Variants in MTUS1 observed in about 807,000 individuals in gnomAD.
The protein encoded by MTUS1 is microtubule-associated tumor suppressor 1.
In MTUS1, 109 loss-of-function variants were observed where a neutral mutation model predicts 120.8. The observed-to-expected ratio is 0.90, with a 90% confidence interval of 0.77 to 1.06. The LOEUF (loss-of-function observed/expected upper bound fraction) is 1.06, where lower values mean the gene tolerates loss of function less well. Ranked by LOEUF, MTUS1 falls within the 50% of genes least tolerant of loss-of-function variation. MTUS1 has a pLI of 0.00. For synonymous variants in MTUS1, 737 were observed against 550.5 expected (o/e 1.34, Z -4.74); for missense variants, 2,210 against 1,486.3 (o/e 1.49, Z -8.01).
intron 8 of MTUS1, among the ~76,000 whole-genome samples, chr8:17,658,163 C>T (rs1318903136): frequency 1.3e-5 from 2 of 151,950 alleles, no homozygotes; most frequent in Non-Finnish European, 2.9e-5. Context: ...TCAGCCTCCT[C>T]AGTAGCTGGG....
At chr8:17,697,239 G>C in intron 6 of MTUS1, 1 of 1,601,326 alleles carries the variant, frequency 6.2e-7, no homozygotes, top group African/African-American at 1.3e-5. Flanking sequence ...ACTAAACAGA[G>C]ATCTATGCGA....
intron 3 of MTUS1, among the ~76,000 whole-genome samples, chr8:17,740,992 A>T (rs1282630433): frequency 6.6e-6 from 1 of 151,868 alleles, no homozygotes; most frequent in African/African-American, 2.4e-5. Context: ...CACCCTCCCC[A>T]ATAGCTGGGA....
chr8:17,654,644 T>C lies in MTUS1; in HGVS notation c.3131A>G (p.His1044Arg), dbSNP rs1585422548. The change falls in exon 10 of 15, where the codon CAT (histidine) becomes CGT (arginine). Residue 1044 changes from histidine to arginine, a missense_variant. Physicochemically the swap from His to Arg is conservative, Grantham distance 29. Coordinates refer to ENST00000693296, the MANE Select transcript of MTUS1 (RefSeq NM_001363059.2). Reference protein sequence around the residue: ...QEQFDNLNAAHETSKLEIEAS... With the variant: ...QEQFDNLNAARETSKLEIEAS... ...TTCAATTTCCAACTTAGAGGTTTCA[T>C]GCGCAGCATTTAAGTTGTCAAACTG... is the stretch of plus-strand genomic sequence containing the variant. The C allele has an allele frequency of 2.5e-6, 4 of 1,614,010 alleles. No individual in the cohort carries two copies. Among genetic ancestry groups the C allele is most frequent in the Non-Finnish European group, 3.4e-6 (4 of 1,179,814 alleles).
At chr8:17,720,255 G>C (rs1053189422) in intron 4 of MTUS1, among the ~76,000 whole-genome samples, 2 of 151,648 alleles carry the variant, frequency 1.3e-5, no homozygotes, top group Non-Finnish European at 2.9e-5. Context: ...TCAGACAGGA[G>C]AATTGCTTGA....
chr8:17,764,401 G>GC (rs1033361958), intron 1 of MTUS1, among the ~76,000 whole-genome samples: 3 of 63,718 alleles, frequency 4.7e-5, no homozygotes, highest in Admixed American at 1.7e-4. Flanking sequence ...AAAGAAAACT[G>GC]CAAAAAAAAA....
intron 7 of MTUS1, 43 bp downstream of exon 7, chr8:17,684,285 C>A: frequency 6.7e-7 from 1 of 1,501,244 alleles, no homozygotes. Flanking sequence ...CGTGCTCCCC[C>A]GACCTCAAGT....
chr8:17,714,138 C>T (rs1048201419), intron 5 of MTUS1, among the ~76,000 whole-genome samples: 3 of 152,174 alleles, frequency 2.0e-5, no homozygotes, highest in African/African-American at 7.2e-5. Flanking sequence ...GATGTCAACT[C>T]AGCAAGAGGT....
At chr8:17,748,058 C>T (rs1042266867) in intron 2 of MTUS1, 1 of 152,236 alleles carries the variant, frequency 6.6e-6, no homozygotes, top group Non-Finnish European at 1.5e-5. Context: ...GAACTCAATA[C>T]AAGATTTGGG....
chr8:17,713,467 T>A (rs1821728166), intron 5 of MTUS1, among the ~76,000 whole-genome samples: 1 of 152,224 alleles, frequency 6.6e-6, no homozygotes, highest in East Asian at 1.9e-4. Context: ...AAGTATGATA[T>A]GAAGTCACCA....
intron 3 of MTUS1, among the ~76,000 whole-genome samples, chr8:17,743,067 G>A (rs1021985972): frequency 1.5e-4 from 22 of 150,796 alleles, no homozygotes; most frequent in African/African-American, 5.2e-4. Flanking sequence ...TTCTTGAGGC[G>A]CTCACATTTC....
intron 8 of MTUS1, among the ~76,000 whole-genome samples, chr8:17,664,454 C>G (rs1234366724): frequency 6.6e-6 from 1 of 151,756 alleles, no homozygotes; most frequent in East Asian, 1.9e-4. Context: ...GACTCTCCCC[C>G]ACCCCACCCC....
At chr8:17,679,543 C>A (rs1813887975) in intron 7 of MTUS1, among the ~76,000 whole-genome samples, 1 of 151,108 alleles carries the variant, frequency 6.6e-6, no homozygotes, top group African/African-American at 2.4e-5. Flanking sequence ...TCACTGTCAC[C>A]CAGGCTGGAG....
At position 17,753,926 on chromosome 8, in the gene MTUS1, C is replaced by T. The variant is rs77588184; in HGVS notation, c.1882G>A (p.Gly628Arg). The part of the protein sequence containing the change: ...ASSSNSACET[G>R]SVSALFQKIK... Reference sequence around the variant, plus strand: ...TTCTGAAACAACGCAGAAACGGACCCGGTCTCGCATGCTGAGTTAGAAGAA... The same window carrying T: ...TTCTGAAACAACGCAGAAACGGACCTGGTCTCGCATGCTGAGTTAGAAGAA... Residue 628 changes from glycine to arginine, a missense_variant, in exon 2 of 15, where the codon GGG (glycine) becomes AGG (arginine). Transcript: ENST00000693296. 58 of 1,614,148 alleles carry T rather than the reference C, an allele frequency of 3.6e-5. No individual in the cohort carries two copies. Among genetic ancestry groups the T allele is most frequent in the African/African-American group, 3.3e-4 (25 of 75,034 alleles).
intron 13 of MTUS1, among the ~76,000 whole-genome samples, chr8:17,649,096 A>ATT (rs11386214): frequency 1.9e-4 from 29 of 151,162 alleles, no homozygotes; most frequent in South Asian, 4.2e-4. Context: ...TTATAGCACA[A>ATT]TTTTTTTTTT....
In MTUS1 at chr8:17,753,838, G is replaced by A. The variant is rs200714484; in HGVS notation, c.1970C>T (p.Pro657Leu). Residue 657 changes from proline to leucine, a missense_variant, in exon 2 of 15, where the codon CCC becomes CTC. Transcript: ENST00000693296. ...SAECLEMTYV[P>L]NIDRISPEKK... The stretch of plus-strand genomic sequence containing the variant: ...TTCAGGGCTAATCCTATCAATGTTG[G>A]GAACATAGGTCATTTCCAAACATTC... 4.5e-4 allele frequency: 722 copies of A among 1,613,850 alleles called. 2 individuals are homozygous for A. The highest frequency in any genetic ancestry group is 4.9e-4 in the Middle Eastern group (3 of 6,084).
intron 8 of MTUS1, among the ~76,000 whole-genome samples, chr8:17,669,722 G>C (rs1811625817): frequency 6.6e-6 from 1 of 152,130 alleles, no homozygotes; most frequent in Non-Finnish European, 1.5e-5. Context: ...GTGCGCACCT[G>C]TATTCCCAGC....
At position 17,645,980 on chromosome 8, in the gene MTUS1, C is replaced by T. The variant is rs1353626642; in HGVS notation, c.3759G>A (p.Leu1253=). The change falls in exon 15 of 15, where the codon TTG becomes TTA. Residue 1253 remains leucine (L), a synonymous_variant. Transcript: ENST00000693296. ...AGGAGCCCGAATTCCTTGGTGACTG[C>T]AAAGGGATGGCGGAGGATGTGGGGG... is the stretch of plus-strand genomic sequence containing the variant. ...KRSPTSSAIP[L]QSPRNSGSFP... The T allele has an allele frequency of 1.2e-6, 2 of 1,613,450 alleles. No individual in the cohort carries two copies. The highest frequency in any genetic ancestry group is 1.1e-5 in the South Asian group (1 of 90,956).
chr8:17,751,993 T>C (rs2048237025), intron 2 of MTUS1, among the ~76,000 whole-genome samples: 1 of 151,510 alleles, frequency 6.6e-6, no homozygotes, highest in Non-Finnish European at 1.5e-5. Context: ...TTATGAATCC[T>C]AACAGCCAGA....
rs2046018969 is a variant in MTUS1 at position 17,723,901 on chromosome 8, T to G, written c.2288-68A>C. ...CCCGAAAGCTGGCACTTTTTAAGCCTGTAAACTCAAACTTCTGCACTAACA... is the reference window on the plus strand; with the variant it reads ...CCCGAAAGCTGGCACTTTTTAAGCCGGTAAACTCAAACTTCTGCACTAACA... On this transcript the variant is annotated intron_variant, in intron 3 of 14. Transcript: ENST00000693296. 6.6e-6 allele frequency: 9 copies of G among 1,353,940 alleles called. 1 individual carries two copies. The highest frequency in any genetic ancestry group is 4.3e-5 in the African/African-American group (3 of 69,172). 83.9% of individuals were successfully genotyped at this position (1,353,940 alleles called of 1,614,324 possible). A position where few individuals can be genotyped will look rare whatever the true frequency, so the allele number is the denominator to read the frequency against.
Sources: allele counts gnomAD v4.1 joint callset (sites outside exome capture counted in the v4.1 genomes callset), GRCh38; gene constraint gnomAD v4.1.1; transcripts MANE v1.5; gene names NCBI Gene and HGNC (gene_info 2026-07-23, HGNC 2026-07-21).